Variants in CDYL2 observed in about 807,000 individuals in gnomAD.
CDYL2 encodes chromodomain Y like 2, also known as chromodomain Y-like protein 2.
Under a neutral mutation model 49.4 loss-of-function variants are expected in CDYL2, and 23 were observed. That is an observed-to-expected ratio of 0.47 (90% CI 0.34 to 0.66). CDYL2 has a LOEUF of 0.66. Among genes scored for constraint, CDYL2 ranks in the 30% least tolerant of loss-of-function variants. The pLI is 0.01. For synonymous variants in CDYL2, 360 were observed against 268.8 expected, an observed-to-expected ratio of 1.34 and a Z score of -3.32; for missense variants, 678 against 656.4, an observed-to-expected ratio of 1.03 and a Z score of -0.36.
intron 1 of CDYL2, among the ~76,000 whole-genome samples, chr16:80,801,625 C>A (rs373018816): frequency 1.1e-4 from 17 of 152,184 alleles, no homozygotes; most frequent in East Asian, 9.6e-4. Context: ...TTTATGTACA[C>A]TTTAGTATAA....
chr16:80,675,510 G>T (rs546403025), intron 2 of CDYL2, among the ~76,000 whole-genome samples: 3 of 152,178 alleles, frequency 2.0e-5, no homozygotes, highest in African/African-American at 7.2e-5. Context: ...CACCACCGCT[G>T]CCACCATTAT....
At chr16:80,723,007 G>C (rs889523636) in intron 1 of CDYL2, among the ~76,000 whole-genome samples, 3 of 152,220 alleles carry the variant, frequency 2.0e-5, no homozygotes, top group Non-Finnish European at 4.4e-5. Context: ...AGGGGCCATG[G>C]GGCCATAACC....
chr16:80,786,805 C>A (rs1274489740), intron 1 of CDYL2, among the ~76,000 whole-genome samples: 5 of 151,976 alleles, frequency 3.3e-5, no homozygotes, highest in African/African-American at 1.2e-4. Context: ...TCATTCTCAG[C>A]AAACTATCAC....
chr16:80,639,576 T>A, intron 2 of CDYL2: 3 of 421,782 alleles, frequency 7.1e-6, no homozygotes, highest in South Asian at 5.3e-5. Flanking sequence ...CTCCATGGAT[T>A]GTACCCTCCC....
intron 1 of CDYL2, among the ~76,000 whole-genome samples, chr16:80,764,765 G>T (rs1047189630): frequency 2.0e-5 from 3 of 151,968 alleles, no homozygotes; most frequent in Non-Finnish European, 2.9e-5. Context: ...GGAATAGAAA[G>T]AATTTAGTTC....
At chr16:80,741,180 C>T (rs1181354459) in intron 1 of CDYL2, among the ~76,000 whole-genome samples, 1 of 149,278 alleles carries the variant, frequency 6.7e-6, no homozygotes, top group Non-Finnish European at 1.5e-5. Context: ...ATAACATGTA[C>T]TATATAAGAT....
In CDYL2 at chr16:80,604,083, G is replaced by A. The variant is rs188850940; in HGVS notation, c.*305C>T. 15 of 381,618 alleles carry A rather than the reference G, an allele frequency of 3.9e-5. No homozygotes were observed. The highest frequency in any genetic ancestry group is 1.2e-4 in the African/African-American group (6 of 49,488). 23.6% of individuals were successfully genotyped at this position (381,618 alleles called of 1,614,324 possible). A position where few individuals can be genotyped will look rare whatever the true frequency, so the allele number is the denominator to read the frequency against. ...AAAGTGGTCTTCCCCTTCCTGGACC[G>A]TCATGGTGCATTTCAGCAAGTGGGG... On this transcript the variant is annotated 3_prime_UTR_variant, in exon 7 of 7. Transcript: ENST00000570137.
intron 3 of CDYL2, among the ~76,000 whole-genome samples, chr16:80,631,469 T>A (rs1460631897): frequency 2.0e-5 from 3 of 152,248 alleles, no homozygotes; most frequent in East Asian, 3.8e-4. Flanking sequence ...CTGCATTAAG[T>A]ATTCATTGTT....
At chr16:80,650,637 G>A (rs1332466128) in intron 2 of CDYL2, among the ~76,000 whole-genome samples, 1 of 152,128 alleles carries the variant, frequency 6.6e-6, no homozygotes. Context: ...CAAAAGAAAG[G>A]AAATCAGTAT....
Position 80,709,276 on chromosome 16 carries a change from G to A in CDYL2, c.25-24147C>T, listed in dbSNP as rs536725929. Among the ~76,000 whole-genome samples, 6 of 152,062 alleles carry A rather than the reference G, an allele frequency of 3.9e-5. No individual in the cohort carries two copies. The South Asian group carries it at 1.2e-3, about 32-fold the overall frequency. Reference sequence around the variant, plus strand: ...GTGCACCTGTAGCCCCAGCTACTCAGGAGACTGAGGCAAGAGAATCACTTG... The same window carrying A: ...GTGCACCTGTAGCCCCAGCTACTCAAGAGACTGAGGCAAGAGAATCACTTG... On this transcript the variant is annotated intron_variant, in intron 1 of 6. Coordinates refer to ENST00000570137, the MANE Select transcript of CDYL2 (RefSeq NM_152342.4).
At chr16:80,605,002 G>A (rs1364231810) in intron 6 of CDYL2, among the ~76,000 whole-genome samples, 1 of 152,126 alleles carries the variant, frequency 6.6e-6, no homozygotes. Context: ...AATGCCCCGT[G>A]TTCAGGCTAC....
chr16:80,616,655 TCCTTAGTCTCCAACCCACC>T (rs1392680387), intron 4 of CDYL2, among the ~76,000 whole-genome samples: 3 of 152,122 alleles, frequency 2.0e-5, no homozygotes, highest in Non-Finnish European at 4.4e-5. Context: ...GGCAGGCCAC[TCCTTAGTCTCCAACCCACC>T]CCTTAGTCCA....
At chr16:80,713,051 T>C (rs1191131033) in intron 1 of CDYL2, among the ~76,000 whole-genome samples, 1 of 152,172 alleles carries the variant, frequency 6.6e-6, no homozygotes, top group Admixed American at 6.5e-5. Flanking sequence ...CAAGAGGTGT[T>C]CCAAGGTCCT....
At chr16:80,645,280 A>G (rs2142410808) in intron 2 of CDYL2, among the ~76,000 whole-genome samples, 2 of 152,340 alleles carry the variant, frequency 1.3e-5, no homozygotes, top group African/African-American at 4.8e-5. Context: ...AAAGAACTCA[A>G]ACAAATTTAC....
At chr16:80,712,676 GCCTATGGGTAACA>G (rs1224213883) in intron 1 of CDYL2, among the ~76,000 whole-genome samples, 2 of 152,130 alleles carry the variant, frequency 1.3e-5, no homozygotes, top group Non-Finnish European at 2.9e-5. Flanking sequence ...CCCAAAAGGT[GCCTATGGGTAACA>G]CAGCCCTAAG....
chr16:80,615,152 C>G (rs986109201), intron 4 of CDYL2, among the ~76,000 whole-genome samples: 1 of 152,174 alleles, frequency 6.6e-6, no homozygotes, highest in African/African-American at 2.4e-5. Flanking sequence ...GGTACTACTT[C>G]AGAGAGGGAG....
intron 1 of CDYL2, among the ~76,000 whole-genome samples, chr16:80,777,027 G>C (rs1389677586): frequency 6.6e-6 from 1 of 151,786 alleles, no homozygotes; most frequent in African/African-American, 2.4e-5. Flanking sequence ...TTACCGTGTT[G>C]CCCAGGCTGG....
intron 3 of CDYL2, among the ~76,000 whole-genome samples, chr16:80,632,392 TG>T (rs1168151858): frequency 6.6e-6 from 1 of 151,688 alleles, no homozygotes; most frequent in Non-Finnish European, 1.5e-5. Context: ...AGTAGATGAG[TG>T]GTTTCCAGGG....
intron 2 of CDYL2, among the ~76,000 whole-genome samples, chr16:80,671,298 G>T (rs1909497134): frequency 6.6e-6 from 1 of 152,208 alleles, no homozygotes; most frequent in Admixed American, 6.5e-5. Flanking sequence ...CAGAGTGGCT[G>T]ACATAGGGGC....
Sources: gnomAD v4.1 joint callset for allele counts (sites outside exome capture counted in the v4.1 genomes callset) on GRCh38, gnomAD v4.1.1 for gene constraint, MANE v1.5 for transcripts, NCBI Gene and HGNC (gene_info 2026-07-23, HGNC 2026-07-21) for gene names.